DLGAP4: variants seen among roughly 807,000 people sequenced by gnomAD.
DLGAP4 encodes the protein disks large-associated protein 4.
In DLGAP4, 18 loss-of-function variants were observed where a neutral mutation model predicts 86.9. That is an observed-to-expected ratio of 0.21 (90% CI 0.14 to 0.31). DLGAP4 has a LOEUF of 0.31. Among genes scored for constraint, DLGAP4 ranks in the 10% least tolerant of loss-of-function variants. The pLI is 1.00. For synonymous variants in DLGAP4, 548 were observed against 574.3 expected (o/e 0.95, Z 0.65); for missense variants, 1,085 against 1,362.6 (o/e 0.80, Z 3.21).
At position 36,393,536 on chromosome 20, in the gene DLGAP4, C is replaced by A. The variant is rs1392781356; in HGVS notation, c.-73+26261C>A. Among the ~76,000 whole-genome samples, 1 of 152,098 alleles carries A rather than the reference C, an allele frequency of 6.6e-6. No individual in the cohort carries two copies. The highest frequency in any genetic ancestry group is 2.4e-5 in the African/African-American group (1 of 41,402). On this transcript the variant is annotated intron_variant, in intron 2 of 12. Transcript: ENST00000339266. The surrounding 1 kb of genome is among the most constrained non-coding windows in gnomAD (Gnocchi z 4.4). ...CTGGCCTGGATTTCTGGACTTATTT[C>A]CCCTGAGGTCTCCACACCGAGCCCC...
Position 36,431,699 on chromosome 20 carries a change from C to G in DLGAP4, c.-19C>G, listed in dbSNP as rs1484965934. 6.4e-7 allele frequency: 1 copy of G among 1,566,750 alleles called. No homozygotes were observed. The highest frequency in any genetic ancestry group is 1.8e-5 in the Admixed American group (1 of 55,532). The stretch of plus-strand genomic sequence containing the variant: ...GGGCGCCCTGCTAGGGTGAAGGCCC[C>G]TGCCCTCGGCCCGGGATCATGAAAG... On this transcript the variant is annotated 5_prime_UTR_variant, in exon 3 of 13. Transcript: ENST00000339266. This position sits in a 1 kb window ranked among gnomAD's most constrained non-coding sequence, Gnocchi z 5.1.
At chr20:36,395,863 A>G (rs2031932304) in intron 2 of DLGAP4, among the ~76,000 whole-genome samples, 1 of 152,156 alleles carries the variant, frequency 6.6e-6, no homozygotes, top group Non-Finnish European at 1.5e-5. Flanking sequence ...TTGATCGCTT[A>G]TGGCCCTCAC....
chr20:36,502,562 G>C (rs141326313), intron 10 of DLGAP4, among the ~76,000 whole-genome samples: 1 of 151,876 alleles, frequency 6.6e-6, no homozygotes, highest in Non-Finnish European at 1.5e-5. Flanking sequence ...GCGTTGCCTA[G>C]GCTGGTCTCA....
intron 7 of DLGAP4, among the ~76,000 whole-genome samples, chr20:36,470,567 A>G (rs1023353395): frequency 1.3e-5 from 2 of 151,654 alleles, no homozygotes; most frequent in African/African-American, 4.9e-5. Flanking sequence ...AAAAAATTCA[A>G]ACTTGGTTAA....
At chr20:36,392,181 C>T (rs575948637) in intron 2 of DLGAP4, among the ~76,000 whole-genome samples, 1 of 152,268 alleles carries the variant, frequency 6.6e-6, no homozygotes, top group South Asian at 2.1e-4. Flanking sequence ...ACTCGGCTTC[C>T]AGCTCAGGTG....
intron 7 of DLGAP4, among the ~76,000 whole-genome samples, chr20:36,454,179 A>C (rs2033818978): frequency 6.6e-6 from 1 of 151,442 alleles, no homozygotes; most frequent in South Asian, 2.1e-4. Context: ...GAGTCACTTG[A>C]ACCTGGGAGG....
At chr20:36,480,109 C>T (rs2035119415) in intron 7 of DLGAP4, among the ~76,000 whole-genome samples, 1 of 152,162 alleles carries the variant, frequency 6.6e-6, no homozygotes, top group Admixed American at 6.5e-5. Flanking sequence ...GACCCAGGAG[C>T]TTAAGTCATA....
intron 1 of DLGAP4, among the ~76,000 whole-genome samples, chr20:36,345,800 C>G (rs1398636593): frequency 6.6e-6 from 1 of 152,136 alleles, no homozygotes; most frequent in African/African-American, 2.4e-5. Flanking sequence ...CTCTGTCACC[C>G]AGGCTGGAGT....
rs2065025464 is a variant in DLGAP4, at chr20:36,308,490, G to C, written c.-304+1978G>C. Among the ~76,000 whole-genome samples the C allele has an allele frequency of 6.6e-6, 1 of 152,244 alleles. No individual in the cohort carries two copies. ...CTGCAGGTCTGAGGGCTGTGCCCCG[G>C]GCGTGAAGCTGCCTGGCAGCTGAGT... On this transcript the variant is annotated intron_variant, in intron 1 of 12. Coordinates refer to ENST00000339266, the MANE Select transcript of DLGAP4 (RefSeq NM_001365621.2). This position sits in a 1 kb window ranked among gnomAD's most constrained non-coding sequence, Gnocchi z 4.5.
intron 8 of DLGAP4, chr20:36,499,064 T>C (rs112662804): frequency 1.6e-6 from 1 of 623,286 alleles, no homozygotes. Context: ...TTGCCCTTAG[T>C]GCAGGCGCCT....
At chr20:36,477,092 T>G (rs2147690954) in intron 7 of DLGAP4, among the ~76,000 whole-genome samples, 1 of 151,542 alleles carries the variant, frequency 6.6e-6, no homozygotes, top group Non-Finnish European at 1.5e-5. Flanking sequence ...CAAGTTTGTT[T>G]TTTTCTCTTT....
intron 1 of DLGAP4, among the ~76,000 whole-genome samples, chr20:36,359,229 C>T (rs1010381509): frequency 2.0e-5 from 3 of 152,182 alleles, no homozygotes; most frequent in African/African-American, 7.2e-5. Flanking sequence ...AAGGAATTCT[C>T]GTGCCTCAGC....
In DLGAP4 at chr20:36,432,356, C is replaced by T. The variant is rs775641924; in HGVS notation, c.639C>T (p.Gly213=). 67 of 1,613,350 alleles carry T rather than the reference C, an allele frequency of 4.2e-5. No individual in the cohort carries two copies. The highest frequency in any genetic ancestry group is 4.6e-5 in the Non-Finnish European group (54 of 1,179,970). Residue 213 remains glycine (G), a synonymous_variant, in exon 3 of 13, where the codon GGC becomes GGT. Coordinates refer to ENST00000339266, the MANE Select transcript of DLGAP4 (RefSeq NM_001365621.2). This position sits in a 1 kb window ranked among gnomAD's most constrained non-coding sequence, Gnocchi z 6.5. Reference sequence around the variant, plus strand: ...GGAGCTCCGATGACAACTTGGACGGCGAGGCCGGCGCCTTCCGCAGCAGTG... The same window carrying T: ...GGAGCTCCGATGACAACTTGGACGGTGAGGCCGGCGCCTTCCGCAGCAGTG... The part of the protein sequence containing the change: ...GWWSSDDNLD[G]EAGAFRSSGP...
intron 10 of DLGAP4, among the ~76,000 whole-genome samples, chr20:36,514,655 C>T (rs528555569): frequency 6.6e-6 from 1 of 152,124 alleles, no homozygotes; most frequent in Admixed American, 6.6e-5. Context: ...TTTAAACAAT[C>T]CCCCCATCTC....
intron 7 of DLGAP4, among the ~76,000 whole-genome samples, chr20:36,479,200 G>T (rs2035075688): frequency 6.6e-6 from 1 of 152,152 alleles, no homozygotes; most frequent in Non-Finnish European, 1.5e-5. Context: ...ATATAGTCAA[G>T]ACTTGTTCCA....
intron 7 of DLGAP4, among the ~76,000 whole-genome samples, chr20:36,476,510 G>C (rs770612116): frequency 3.0e-4 from 44 of 148,384 alleles, no homozygotes; most frequent in Non-Finnish European, 4.6e-4. Flanking sequence ...TATATTTTTA[G>C]TAGAAACAGG....
intron 2 of DLGAP4, among the ~76,000 whole-genome samples, chr20:36,403,489 C>T (rs1209782136): frequency 6.6e-6 from 1 of 152,158 alleles, no homozygotes; most frequent in African/African-American, 2.4e-5. Flanking sequence ...GCTTGTGTTA[C>T]CTATAATCCC....
intron 2 of DLGAP4, among the ~76,000 whole-genome samples, chr20:36,370,383 G>A (rs190394846): frequency 2.5e-3 from 384 of 152,090 alleles, no homozygotes; most frequent in Non-Finnish European, 4.2e-3. Flanking sequence ...CTACTTGGGA[G>A]GCTGAAGTGG....
intron 2 of DLGAP4, among the ~76,000 whole-genome samples, chr20:36,430,955 TAAAAA>T (rs5841234): frequency 1.7e-5 from 2 of 119,596 alleles, no homozygotes; most frequent in Non-Finnish European, 1.7e-5. Context: ...ACTCTGTCTC[TAAAAA>T]AAAAAAAAAA....
Sources: gnomAD v4.1 joint callset for allele counts (sites outside exome capture counted in the v4.1 genomes callset) on GRCh38, gnomAD v4.1.1 for gene constraint, Gnocchi (gnomAD v3.1) non-coding constraint, MANE v1.5 for transcripts, NCBI Gene and HGNC (gene_info 2026-07-23, HGNC 2026-07-21) for gene names.